PPP1R9A: variants seen among roughly 807,000 people sequenced by gnomAD.
PPP1R9A encodes the protein neurabin-1.
Under a neutral mutation model 141.9 loss-of-function variants are expected in PPP1R9A, and 59 were observed. That is an observed-to-expected ratio of 0.42 (90% CI 0.34 to 0.52). PPP1R9A has a LOEUF of 0.52. Ranked by LOEUF, PPP1R9A falls within the 20% of genes least tolerant of loss-of-function variation. PPP1R9A has a pLI of 0.10. For missense variants in PPP1R9A, 1,444 were observed against 1,611.9 expected (o/e 0.90, Z 1.78); for synonymous variants, 500 against 569.7 (o/e 0.88, Z 1.74).
intron 2 of PPP1R9A, among the ~76,000 whole-genome samples, chr7:94,963,521 A>G (rs1232569291): frequency 6.6e-6 from 1 of 152,050 alleles, no homozygotes; most frequent in Non-Finnish European, 1.5e-5. Context: ...TGTTCTGTAC[A>G]TTTTATGTAA....
chr7:94,913,743 A>G (rs1791731763), intron 2 of PPP1R9A, among the ~76,000 whole-genome samples: 1 of 152,182 alleles, frequency 6.6e-6, no homozygotes, highest in Non-Finnish European at 1.5e-5. Context: ...AGAGGGTGGT[A>G]ATACCTTATT....
chr7:94,980,484 G>A (rs2151316807), intron 2 of PPP1R9A, among the ~76,000 whole-genome samples: 1 of 152,170 alleles, frequency 6.6e-6, no homozygotes, highest in Admixed American at 6.5e-5. Context: ...TTGAGACAGG[G>A]TCTCACTCTG....
chr7:95,067,378 G>A (rs762335847), intron 2 of PPP1R9A, among the ~76,000 whole-genome samples: 12 of 152,168 alleles, frequency 7.9e-5, no homozygotes, highest in Non-Finnish European at 1.6e-4. Flanking sequence ...AGTGTCTAAG[G>A]AAAACAAACA....
intron 2 of PPP1R9A, among the ~76,000 whole-genome samples, chr7:95,019,200 G>A (rs1465701563): frequency 6.6e-6 from 1 of 152,082 alleles, no homozygotes; most frequent in Non-Finnish European, 1.5e-5. Context: ...TTCGAGACCA[G>A]CCTGGCTAAC....
At chr7:95,035,318 A>G (rs1177493984) in intron 2 of PPP1R9A, among the ~76,000 whole-genome samples, 1 of 152,202 alleles carries the variant, frequency 6.6e-6, no homozygotes, top group Admixed American at 6.5e-5. Context: ...TTAATGCTAT[A>G]TATTTGTTAA....
At chr7:95,116,915 G>C (rs1260103226) in intron 3 of PPP1R9A, among the ~76,000 whole-genome samples, 1 of 152,096 alleles carries the variant, frequency 6.6e-6, no homozygotes, top group Non-Finnish European at 1.5e-5. Context: ...GTAATTATGT[G>C]CTTTATAAAT....
At chr7:95,198,635 T>G in intron 6 of PPP1R9A, 151 bp downstream of exon 6, 1 of 865,926 alleles carries the variant, frequency 1.2e-6, no homozygotes, top group Non-Finnish European at 1.7e-6. Context: ...GAAATACTAC[T>G]CGCATCTGAT....
At chr7:95,121,457 CTGT>C (rs1822571640) in intron 4 of PPP1R9A, among the ~76,000 whole-genome samples, 1 of 25,988 alleles carries the variant, frequency 3.8e-5, no homozygotes, top group Non-Finnish European at 1.4e-4. Flanking sequence ...GTCTGTCTGT[CTGT>C]CTATCTATCT....
intron 8 of PPP1R9A, among the ~76,000 whole-genome samples, chr7:95,228,249 T>G (rs577673651): frequency 6.6e-6 from 1 of 152,358 alleles, no homozygotes; most frequent in Non-Finnish European, 1.5e-5. Context: ...TCTATCTTCC[T>G]GCTAAACTCA....
intron 16 of PPP1R9A, among the ~76,000 whole-genome samples, chr7:95,275,140 G>GC (rs1330362270): frequency 6.6e-6 from 1 of 152,120 alleles, no homozygotes; most frequent in Non-Finnish European, 1.5e-5. Context: ...AGGCTTGGTG[G>GC]CCCACACCTG....
intron 8 of PPP1R9A, among the ~76,000 whole-genome samples, chr7:95,229,341 C>T (rs1795582185): frequency 6.6e-6 from 1 of 151,958 alleles, no homozygotes; most frequent in Non-Finnish European, 1.5e-5. Flanking sequence ...CTTGCTTTCT[C>T]AACAGGGAAG....
intron 7 of PPP1R9A, among the ~76,000 whole-genome samples, chr7:95,220,982 T>C: frequency 6.6e-6 from 1 of 151,970 alleles, no homozygotes; most frequent in East Asian, 1.9e-4. Context: ...GAGGAACAGG[T>C]ATATATAGAG....
intron 2 of PPP1R9A, among the ~76,000 whole-genome samples, chr7:95,100,715 T>C (rs1014498335): frequency 2.0e-5 from 3 of 152,182 alleles, no homozygotes; most frequent in African/African-American, 7.2e-5. Context: ...CCACCTTGGA[T>C]GGAAGGTGGT....
At chr7:95,232,231 A>T (rs936433346) in intron 8 of PPP1R9A, among the ~76,000 whole-genome samples, 1 of 152,172 alleles carries the variant, frequency 6.6e-6, no homozygotes, top group African/African-American at 2.4e-5. Flanking sequence ...GCAGGCAGAG[A>T]GATTGAAATG....
intron 2 of PPP1R9A, among the ~76,000 whole-genome samples, chr7:95,078,698 T>C (rs554901608): frequency 0.024 from 3,586 of 152,086 alleles, 157 homozygotes; most frequent in African/African-American, 0.082. Flanking sequence ...GCTATCTCAT[T>C]GTGGTTTTGA....
At chr7:95,266,126 A>C (rs2153041070) in intron 12 of PPP1R9A, among the ~76,000 whole-genome samples, 1 of 152,228 alleles carries the variant, frequency 6.6e-6, no homozygotes, top group Non-Finnish European at 1.5e-5. Context: ...TGGAGTACCT[A>C]TTGTAGTCCT....
chr7:95,198,928 T>G (rs1290667941), intron 6 of PPP1R9A, among the ~76,000 whole-genome samples: 1 of 152,158 alleles, frequency 6.6e-6, no homozygotes, highest in Non-Finnish European at 1.5e-5. Flanking sequence ...AGAAAAGTAC[T>G]AAAGATTGCT....
At chr7:95,077,432 T>C (rs1419575597) in intron 2 of PPP1R9A, among the ~76,000 whole-genome samples, 1 of 152,136 alleles carries the variant, frequency 6.6e-6, no homozygotes, top group Non-Finnish European at 1.5e-5. Flanking sequence ...ACTTTTGTTA[T>C]TTTACTGAGT....
rs534711797 is a variant in PPP1R9A at position 94,940,143 on chromosome 7, G to A, written c.1395+28635G>A. 5.7e-4 allele frequency among the ~76,000 whole-genome samples: 87 copies of A among 152,120 alleles called. 1 individual carries two copies. The highest frequency in any genetic ancestry group is 1.9e-3 in the African/African-American group (79 of 41,518). ...CTATTATTAATTAAACCCCTATAAT[G>A]TGTCATGCTCTAGGCTAAGTAACTT... On this transcript the variant is annotated intron_variant, in intron 2 of 19. Transcript: ENST00000433360.
Sources: gnomAD v4.1 joint callset for allele counts (sites outside exome capture counted in the v4.1 genomes callset) on GRCh38, gnomAD v4.1.1 for gene constraint, MANE v1.5 for transcripts, NCBI Gene and HGNC (gene_info 2026-07-23, HGNC 2026-07-21) for gene names.